Variants in CPNE2 observed in about 807,000 individuals in gnomAD.
CPNE2 encodes the protein copine 2, also known as copine-2.
CPNE2 carries 42 observed loss-of-function variants against 69.7 expected under a neutral mutation model. The observed-to-expected ratio is 0.60, with a 90% CI of 0.47 to 0.78. The LOEUF (loss-of-function observed/expected upper bound fraction) is 0.78. CPNE2 is among the 30% of genes least tolerant of loss of function. CPNE2 has a pLI of 0.00. For missense variants in CPNE2, 587 were observed against 732.0 expected, an observed-to-expected ratio of 0.80 and a Z score of 2.29; for synonymous variants, 294 against 289.8, an observed-to-expected ratio of 1.01 and a Z score of -0.15.
intron 10 of CPNE2, chr16:57,125,127 G>A: frequency 2.9e-6 from 1 of 347,570 alleles, no homozygotes; most frequent in Non-Finnish European, 5.8e-6. Flanking sequence ...TGCTGGGCAG[G>A]GGTTGTTCTT....
In CPNE2 at chr16:57,093,895, G is replaced by A. The variant is rs532921854; in HGVS notation, c.-36+1105G>A. On this transcript the variant is annotated intron_variant, in intron 1 of 15. Coordinates refer to ENST00000290776, the MANE Select transcript of CPNE2 (RefSeq NM_152727.6). ...TTGTAATCCCTGGCAGCTGCAGCCT[G>A]CCCTGATGGGGAGGCCTGGGAGACC... The A allele has an allele frequency of 1.7e-3, 625 of 368,576 alleles. 1 individual carries two copies. Among genetic ancestry groups the A allele is most frequent in the African/African-American group, 0.013 (587 of 46,948 alleles). The allele number at this position is 368,576 out of a possible 1,614,324, so 22.8% of individuals were successfully genotyped here.
intron 1 of CPNE2, among the ~76,000 whole-genome samples, chr16:57,100,645 G>T (rs2069607387): frequency 6.6e-6 from 1 of 152,226 alleles, no homozygotes; most frequent in South Asian, 2.1e-4. Flanking sequence ...CCTAGCCTTG[G>T]TTTACTCACC....
At chr16:57,098,561 A>G (rs1322904612) in intron 1 of CPNE2, among the ~76,000 whole-genome samples, 2 of 152,324 alleles carry the variant, frequency 1.3e-5, no homozygotes, top group Middle Eastern at 3.4e-3. Flanking sequence ...GTGGCTGGAA[A>G]GTGGGGCCAG....
intron 1 of CPNE2, among the ~76,000 whole-genome samples, chr16:57,103,264 G>A (rs2069626907): frequency 6.6e-6 from 1 of 151,942 alleles, no homozygotes; most frequent in South Asian, 2.1e-4. Context: ...CTACAGGTGT[G>A]TACCACCACA....
At chr16:57,121,007 CAGAGGGTTTGCTTGGGGAGTTG>C in intron 7 of CPNE2, 64 bp from the exon 8 acceptor site, 3 of 961,420 alleles carry the variant, frequency 3.1e-6, no homozygotes, top group Non-Finnish European at 4.7e-6. Context: ...AAACAGAAGA[CAGAGGGTTTGCTTGGGGAGTTG>C]AGAGGGGCTG....
chr16:57,105,208 G>A (rs1243072157), intron 1 of CPNE2, among the ~76,000 whole-genome samples: 2 of 152,188 alleles, frequency 1.3e-5, no homozygotes, highest in Non-Finnish European at 2.9e-5. Flanking sequence ...GGGAGAGGAC[G>A]GATGCTGAAT....
rs2069888910 is a variant in CPNE2, at chr16:57,137,243, C to G, written c.1263C>G (p.Ala421=). 1 of 1,614,242 alleles carries G rather than the reference C, an allele frequency of 6.2e-7. No individual in the cohort carries two copies. Among genetic ancestry groups the G allele is most frequent in the Non-Finnish European group, 8.5e-7 (1 of 1,180,036 alleles). Residue 421 remains alanine (A), a synonymous_variant, in exon 14 of 16, where the codon GCC becomes GCG. Transcript: ENST00000290776. ...TNFSPIVNHV[A]RFAAQATQQR... is the part of the protein sequence containing the mutation. ...TCTCCCCCATCGTCAACCACGTGGCCCGGTTTGCGGCCCAGGCCACACAAC... is the reference window on the plus strand; with the variant it reads ...TCTCCCCCATCGTCAACCACGTGGCGCGGTTTGCGGCCCAGGCCACACAAC...
chr16:57,134,443 A>G (rs145395025), intron 12 of CPNE2, among the ~76,000 whole-genome samples: 2 of 152,230 alleles, frequency 1.3e-5, no homozygotes, highest in African/African-American at 4.8e-5. Context: ...GCATCCTGGA[A>G]CCCTGGCCCA....
rs1425720012 is a variant in CPNE2 at position 57,113,553 on chromosome 16, G to T, written c.360+86G>T. On this transcript the variant is annotated intron_variant, in intron 3 of 15. Transcript: ENST00000290776. ...TCTCTTCTCGTGCTGTCTTTCCCTAGCCCCATCTTCCTGGGTGGGTCCCAA... is the reference window on the plus strand; with the variant it reads ...TCTCTTCTCGTGCTGTCTTTCCCTATCCCCATCTTCCTGGGTGGGTCCCAA... The T allele has an allele frequency of 2.9e-6, 4 of 1,390,576 alleles. No homozygotes were observed. In the Admixed American group the frequency reaches 9.2e-5, roughly 32 times the overall value. The allele number at this position is 1,390,576 out of a possible 1,614,324, so 86.1% of individuals were successfully genotyped here. A position where few individuals can be genotyped will look rare whatever the true frequency, so the allele number is the denominator to read the frequency against.
Position 57,121,771 on chromosome 16 carries a change from G to T in CPNE2, c.867+11G>T. The T allele has an allele frequency of 6.2e-7, 1 of 1,613,788 alleles. No individual in the cohort carries two copies. On this transcript the variant is annotated intron_variant, in intron 9 of 15. Coordinates refer to ENST00000290776, the MANE Select transcript of CPNE2 (RefSeq NM_152727.6). ...CTGCGATCCTGCAAGGTGAACCAGC[G>T]TGGGCAAGCACGAGCCAGGGGCCAG...
intron 9 of CPNE2, among the ~76,000 whole-genome samples, chr16:57,123,109 C>T (rs1251034261): frequency 6.6e-6 from 1 of 152,124 alleles, no homozygotes; most frequent in Non-Finnish European, 1.5e-5. Flanking sequence ...AAGTACCTAA[C>T]AGTGACAAAT....
At chr16:57,112,441 C>T (rs2069687594) in intron 2 of CPNE2, among the ~76,000 whole-genome samples, 1 of 152,242 alleles carries the variant, frequency 6.6e-6, no homozygotes, top group Middle Eastern at 3.4e-3. Context: ...ACCTCTGCCC[C>T]CACCCAGGCC....
chr16:57,129,580 C>T (rs908488041), intron 12 of CPNE2, among the ~76,000 whole-genome samples: 2 of 152,018 alleles, frequency 1.3e-5, no homozygotes, highest in African/African-American at 2.4e-5. Context: ...CACTTTGGGA[C>T]GCTGAGGCAG....
intron 1 of CPNE2, among the ~76,000 whole-genome samples, chr16:57,109,024 A>T (rs1222915166): frequency 1.3e-5 from 2 of 152,184 alleles, no homozygotes; most frequent in Non-Finnish European, 2.9e-5. Flanking sequence ...TGAGCTAGAG[A>T]TACAGGGTGA....
At chr16:57,103,468 C>A (rs1290621126) in intron 1 of CPNE2, among the ~76,000 whole-genome samples, 2 of 152,198 alleles carry the variant, frequency 1.3e-5, no homozygotes, top group Non-Finnish European at 2.9e-5. Context: ...GCTTTTCTGA[C>A]AGCACACGGT....
At chr16:57,105,430 GTT>G (rs113892684) in intron 1 of CPNE2, among the ~76,000 whole-genome samples, 6 of 142,192 alleles carry the variant, frequency 4.2e-5, no homozygotes, top group Admixed American at 1.4e-4. Context: ...TATGTGTCCG[GTT>G]TTTTTTTTTT....
At chr16:57,119,053 G>A in intron 5 of CPNE2, 142 bp from the exon 6 acceptor site, 1 of 704,164 alleles carries the variant, frequency 1.4e-6, no homozygotes, top group South Asian at 1.7e-5. Flanking sequence ...GCCTTGCAGA[G>A]TCTGAGGGGA....
chr16:57,121,005 G>A, intron 7 of CPNE2, 88 bp from the exon 8 acceptor site: 1 of 944,068 alleles, frequency 1.1e-6, no homozygotes. Flanking sequence ...CCAAACAGAA[G>A]ACAGAGGGTT....
chr16:57,101,364 T>G lies in CPNE2; in HGVS notation c.-36+8574T>G, dbSNP rs936807880. On this transcript the variant is annotated intron_variant, in intron 1 of 15. Coordinates refer to ENST00000290776, the MANE Select transcript of CPNE2 (RefSeq NM_152727.6). ...GGGAAATGGGATGAAGGAGGCAATTTAGACCTGGATGCATTCAAGATACGT... is the reference window on the plus strand; with the variant it reads ...GGGAAATGGGATGAAGGAGGCAATTGAGACCTGGATGCATTCAAGATACGT... Among the ~76,000 whole-genome samples the G allele has an allele frequency of 5.3e-5, 8 of 152,206 alleles. 1 individual carries two copies. The highest frequency in any genetic ancestry group is 1.9e-4 in the African/African-American group (8 of 41,452).
Sources: allele counts gnomAD v4.1 joint callset (sites outside exome capture counted in the v4.1 genomes callset), GRCh38; gene constraint gnomAD v4.1.1; transcripts MANE v1.5; gene names NCBI Gene and HGNC (gene_info 2026-07-23, HGNC 2026-07-21).